TASP1: variants seen among roughly 807,000 people sequenced by gnomAD.
The protein encoded by TASP1 is threonine aspartase 1.
Under a neutral mutation model 56.6 loss-of-function variants are expected in TASP1, and 16 were observed. The ratio of observed to expected loss-of-function variants is 0.28; its 90% CI spans 0.19 to 0.43. The LOEUF (loss-of-function observed/expected upper bound fraction) is 0.43. Ranked by LOEUF, TASP1 falls within the 20% of genes least tolerant of loss-of-function variation. The probability of loss-of-function intolerance (pLI) is 1.00; values close to 1 mark genes in which losing one functional copy is unlikely to be tolerated. For missense variants in TASP1, 393 were observed against 511.6 expected (o/e 0.77, Z 2.24); for synonymous variants, 179 against 184.2 (o/e 0.97, Z 0.23).
chr20:13,425,779 G>A (rs1487550736), intron 12 of TASP1, among the ~76,000 whole-genome samples: 1 of 151,916 alleles, frequency 6.6e-6, no homozygotes, highest in Non-Finnish European at 1.5e-5. Flanking sequence ...TTTGCCCCTG[G>A]TTGTTAGGGT....
the TASP1 span, chr20:13,160,142 CCA>C: frequency 6.2e-7 from 1 of 1,612,530 alleles, no homozygotes; most frequent in South Asian, 1.1e-5. Flanking sequence ...GGTGAGTACA[CCA>C]CAGGCCAACG....
chr20:13,447,600 C>CTCA (rs2043459952), intron 11 of TASP1, among the ~76,000 whole-genome samples: 1 of 152,068 alleles, frequency 6.6e-6, no homozygotes. Context: ...CTATCTTGTT[C>CTCA]TCATGAAGAA....
intron 12 of TASP1, among the ~76,000 whole-genome samples, chr20:13,421,543 G>C (rs903084938): frequency 2.6e-5 from 4 of 152,042 alleles, no homozygotes; most frequent in Non-Finnish European, 5.9e-5. Flanking sequence ...AATGCAAAAA[G>C]GATATGAACA....
downstream of TASP1, among the ~76,000 whole-genome samples, chr20:13,387,783 G>A (rs1454780871): frequency 1.3e-5 from 2 of 152,234 alleles, no homozygotes; most frequent in African/African-American, 4.8e-5. Context: ...GCCACCAGCA[G>A]AGTATAATTG....
chr20:13,334,062 T>C, the TASP1 span, among the ~76,000 whole-genome samples: 1 of 152,112 alleles, frequency 6.6e-6, no homozygotes, highest in Non-Finnish European at 1.5e-5. Context: ...ACAAGTACCA[T>C]GGGAACACGT....
chr20:13,335,204 A>T, the TASP1 span, among the ~76,000 whole-genome samples: 1 of 152,108 alleles, frequency 6.6e-6, no homozygotes, highest in Non-Finnish European at 1.5e-5. Flanking sequence ...TTTGGAGTAA[A>T]TGTATTTGGG....
chr20:13,463,241 G>A lies in TASP1; in HGVS notation c.985+19986C>T, dbSNP rs561800986. Among the ~76,000 whole-genome samples the A allele has an allele frequency of 2.5e-4, 38 of 152,158 alleles. No individual in the cohort carries two copies. In the South Asian group the frequency reaches 7.1e-3, roughly 28 times the overall value. On this transcript the variant is annotated intron_variant, in intron 11 of 13. Coordinates refer to ENST00000337743, the MANE Select transcript of TASP1 (RefSeq NM_017714.3). ...TATGTGTTTAATGATTTTTCAAGAC[G>A]GGTGTCAAGACCATTCGATGGGGAA...
At chr20:13,416,198 G>GT (rs1249396555) in intron 13 of TASP1, among the ~76,000 whole-genome samples, 1 of 152,116 alleles carries the variant, frequency 6.6e-6, no homozygotes, top group African/African-American at 2.4e-5. Context: ...GATATAAAAT[G>GT]TTTACATCAC....
At chr20:13,150,518 G>A in the TASP1 span, among the ~76,000 whole-genome samples, 1 of 152,132 alleles carries the variant, frequency 6.6e-6, no homozygotes, top group Non-Finnish European at 1.5e-5. Context: ...TCCATCCAGG[G>A]ACTCCAAAGT....
intron 5 of TASP1, 97 bp downstream of exon 5, chr20:13,587,153 A>T: frequency 7.1e-7 from 1 of 1,399,230 alleles, no homozygotes; most frequent in Non-Finnish European, 9.6e-7. Context: ...CACTATTCCA[A>T]GCAGAAATGG....
chr20:13,365,369 A>G, the TASP1 span, among the ~76,000 whole-genome samples: 1 of 152,234 alleles, frequency 6.6e-6, no homozygotes, highest in Non-Finnish European at 1.5e-5. Flanking sequence ...AAGATGGACA[A>G]TGAGCACCAA....
intron 7 of TASP1, among the ~76,000 whole-genome samples, chr20:13,560,401 TG>T (rs1386046788): frequency 6.6e-6 from 1 of 152,146 alleles, no homozygotes; most frequent in Non-Finnish European, 1.5e-5. Flanking sequence ...TTCGACTAAA[TG>T]GCATCAAGGA....
Position 13,587,171 on chromosome 20 carries a change from G to T in TASP1, c.403+79C>A, listed in dbSNP as rs953437716. 10 of 1,475,124 alleles carry T rather than the reference G, an allele frequency of 6.8e-6. No individual in the cohort carries two copies. In the Admixed American group the frequency reaches 9.7e-5, roughly 14 times the overall value. The allele number at this position is 1,475,124 out of a possible 1,614,324, so 91.4% of individuals were successfully genotyped here. A position where few individuals can be genotyped will look rare whatever the true frequency, so the allele number is the denominator to read the frequency against. ...TATTCCAAGCAGAAATGGTGAAAAA[G>T]ACTGTAATCATCTTTAGAAGGCATG... On this transcript the variant is annotated intron_variant, in intron 5 of 13. Transcript: ENST00000337743.
the TASP1 span, among the ~76,000 whole-genome samples, chr20:13,118,101 T>C: frequency 1.4e-4 from 21 of 152,106 alleles, no homozygotes; most frequent in East Asian, 4.1e-3. Context: ...GAGAGAATAA[T>C]GTATACCAAG....
At chr20:13,627,021 A>C (rs987845576) in intron 2 of TASP1, among the ~76,000 whole-genome samples, 1 of 151,692 alleles carries the variant, frequency 6.6e-6, no homozygotes, top group South Asian at 2.1e-4. Context: ...TTAAACTTCA[A>C]TTACAGTGTT....
intron 10 of TASP1, among the ~76,000 whole-genome samples, chr20:13,519,077 C>T (rs1196186901): frequency 6.6e-6 from 1 of 152,104 alleles, no homozygotes; most frequent in African/African-American, 2.4e-5. Flanking sequence ...AATGCAGAAA[C>T]AGAAAACCAA....
chr20:13,358,075 T>A, the TASP1 span, among the ~76,000 whole-genome samples: 2 of 152,078 alleles, frequency 1.3e-5, no homozygotes, highest in African/African-American at 2.4e-5. Context: ...CTTGTGAAAG[T>A]CCTTTGCCTG....
the TASP1 span, among the ~76,000 whole-genome samples, chr20:13,173,509 A>G: frequency 6.6e-6 from 1 of 152,186 alleles, no homozygotes; most frequent in African/African-American, 2.4e-5. Flanking sequence ...AGGTGGCTGT[A>G]AGATGTGAAT....
chr20:13,573,315 G>A lies in TASP1; in HGVS notation c.489-3729C>T, dbSNP rs1446735696. Among the ~76,000 whole-genome samples, 5 of 152,178 alleles carry A rather than the reference G, an allele frequency of 3.3e-5. No homozygotes were observed. In the East Asian group the frequency reaches 9.6e-4, roughly 29 times the overall value. On this transcript the variant is annotated intron_variant, in intron 6 of 13. Coordinates refer to ENST00000337743, the MANE Select transcript of TASP1 (RefSeq NM_017714.3). ...GTGGGGCCTTTTGGGAGGTGATTAG[G>A]TCATGAGGGTGAAGCCCTCTTGAAT... is the stretch of plus-strand genomic sequence containing the variant.
Sources: allele counts gnomAD v4.1 joint callset (sites outside exome capture counted in the v4.1 genomes callset), GRCh38; gene constraint gnomAD v4.1.1; transcripts MANE v1.5; gene names NCBI Gene and HGNC (gene_info 2026-07-23, HGNC 2026-07-21).